NRG3: variants seen among roughly 807,000 people sequenced by gnomAD.
NRG3 encodes pro-neuregulin-3, membrane-bound isoform.
Under a neutral mutation model 66.9 loss-of-function variants are expected in NRG3, and 31 were observed. The ratio of observed to expected loss-of-function variants is 0.46; its 90% CI spans 0.35 to 0.63. The LOEUF (loss-of-function observed/expected upper bound fraction) is 0.63, where lower values mean the gene tolerates loss of function less well. Ranked by LOEUF, NRG3 falls within the 20% of genes least tolerant of loss-of-function variation. The probability of loss-of-function intolerance (pLI) is 0.00; values close to 1 mark genes in which losing one functional copy is unlikely to be tolerated. For synonymous variants in NRG3, 393 were observed against 359.4 expected (o/e 1.09, Z -1.06); for missense variants, 910 against 878.9 (o/e 1.04, Z -0.45).
At chr10:82,843,351 CT>C in intron 3 of NRG3, 1 of 389,712 alleles carries the variant, frequency 2.6e-6, no homozygotes, top group South Asian at 1.9e-5. Context: ...TCTGCCCTTC[CT>C]TCCATCATGG....
chr10:82,540,543 T>A (rs973937744), intron 2 of NRG3, among the ~76,000 whole-genome samples: 3 of 151,882 alleles, frequency 2.0e-5, no homozygotes, highest in African/African-American at 7.3e-5. Context: ...AGTTTGTGAA[T>A]GTTGGATGGC....
At chr10:82,749,365 G>A (rs1229929219) in intron 3 of NRG3, among the ~76,000 whole-genome samples, 1 of 151,962 alleles carries the variant, frequency 6.6e-6, no homozygotes, top group Non-Finnish European at 1.5e-5. Flanking sequence ...CAGGTGTCTC[G>A]TGGCCATGGC....
intron 1 of NRG3, among the ~76,000 whole-genome samples, chr10:82,147,724 A>T (rs762191578): frequency 1.2e-4 from 19 of 152,172 alleles, no homozygotes; most frequent in Non-Finnish European, 2.6e-4. Context: ...ATCAGTAATC[A>T]TGCATATGCA....
At chr10:82,863,562 G>A (rs986270241) in intron 3 of NRG3, among the ~76,000 whole-genome samples, 7 of 152,178 alleles carry the variant, frequency 4.6e-5, no homozygotes, top group African/African-American at 1.7e-4. Flanking sequence ...TAACTGGCGT[G>A]AGATGGTATC....
At chr10:82,117,448 A>G (rs1223273480) in intron 1 of NRG3, among the ~76,000 whole-genome samples, 2 of 152,130 alleles carry the variant, frequency 1.3e-5, no homozygotes, top group African/African-American at 4.8e-5. Context: ...CTTTTAATTT[A>G]ATTCTTATCA....
chr10:82,375,792 T>A (rs2085191944), intron 2 of NRG3, among the ~76,000 whole-genome samples: 1 of 152,148 alleles, frequency 6.6e-6, no homozygotes, highest in African/African-American at 2.4e-5. Flanking sequence ...TTCCTAGGTC[T>A]CCTCGAATTC....
At chr10:82,153,562 C>T (rs2070948792) in intron 1 of NRG3, among the ~76,000 whole-genome samples, 2 of 151,626 alleles carry the variant, frequency 1.3e-5, no homozygotes, top group Non-Finnish European at 2.9e-5. Flanking sequence ...ATTTTAATTC[C>T]TTTGGGCATA....
At position 82,579,568 on chromosome 10, in the gene NRG3, G is replaced by T. The variant is rs188514218; in HGVS notation, c.954-159009G>T. Among the ~76,000 whole-genome samples, 6 of 152,058 alleles carry T rather than the reference G, an allele frequency of 3.9e-5. No individual in the cohort carries two copies. The East Asian group carries it at 1.2e-3, about 30-fold the overall frequency. ...TTGCGTGTGGTTGGCAAGAACACAT[G>T]TATGTGTTAATGCATGCCTGTGAGT... On this transcript the variant is annotated intron_variant, in intron 2 of 8. Transcript: ENST00000372141.
In NRG3 at chr10:82,358,781, C is replaced by A. The variant is rs1161052019; in HGVS notation, c.866C>A (p.Pro289His). 2 of 1,614,024 alleles carry A rather than the reference C, an allele frequency of 1.2e-6. No individual in the cohort carries two copies. The highest frequency in any genetic ancestry group is 1.3e-5 in the African/African-American group (1 of 74,926). Reference sequence around the variant, plus strand: ...ACAGAGCGATCCGAGCACTTCAAACCCTGCCGAGACAAGGACCTTGCATAC... The same window carrying A: ...ACAGAGCGATCCGAGCACTTCAAACACTGCCGAGACAAGGACCTTGCATAC... ...YSTERSEHFK[P>H]CRDKDLAYCL... is the part of the protein sequence containing the mutation. The change falls in exon 2 of 9, where the codon CCC becomes CAC. Residue 289 changes from proline (P) to histidine (H), a missense_variant. Pro to His is a moderately conservative substitution (Grantham distance 77). Transcript: ENST00000372141.
chr10:82,479,288 G>T (rs1198674318), intron 2 of NRG3, among the ~76,000 whole-genome samples: 1 of 152,012 alleles, frequency 6.6e-6, no homozygotes, highest in Non-Finnish European at 1.5e-5. Flanking sequence ...ATGAGGTTTG[G>T]TACATACGTA....
At position 82,170,654 on chromosome 10, in the gene NRG3, G is replaced by GTATATA. The variant is rs370773918; in HGVS notation, c.824-188047_824-188042dup. On this transcript the variant is annotated intron_variant, in intron 1 of 8. Transcript: ENST00000372141. ...TGAGATGATGTTTATAAAACTTGTG[G>GTATATA]TATATATATATATATATATATATAT... 5.4e-3 allele frequency among the ~76,000 whole-genome samples: 400 copies of GTATATA among 74,020 alleles called. 2 individuals are homozygous for GTATATA. The highest frequency in any genetic ancestry group is 6.6e-3 in the East Asian group (19 of 2,868). 48.6% of individuals were successfully genotyped at this position (74,020 alleles called of 152,430 possible). A position where few individuals can be genotyped will look rare whatever the true frequency, so the allele number is the denominator to read the frequency against.
chr10:82,721,098 AT>A (rs2057288339), intron 2 of NRG3, among the ~76,000 whole-genome samples: 1 of 80,572 alleles, frequency 1.2e-5, no homozygotes, highest in African/African-American at 4.6e-5. Context: ...TTGTTTGTTT[AT>A]TTATTTTGAA....
intron 1 of NRG3, among the ~76,000 whole-genome samples, chr10:82,161,103 A>AC (rs1185926032): frequency 2.6e-5 from 4 of 152,040 alleles, no homozygotes; most frequent in Non-Finnish European, 5.9e-5. Flanking sequence ...AGTATTAAAA[A>AC]ACTAAGAATT....
Position 81,927,897 on chromosome 10 carries a change from T to C in NRG3, c.823+51734T>C, listed in dbSNP as rs983695468. ...ATCAGCATTAAAGTTAAAACAGAGA[T>C]CTTAAGACTGAGAAAACAGATTCCT... On this transcript the variant is annotated intron_variant, in intron 1 of 8. Coordinates refer to ENST00000372141, the MANE Select transcript of NRG3 (RefSeq NM_001010848.4). Among the ~76,000 whole-genome samples, 71 of 152,084 alleles carry C rather than the reference T, an allele frequency of 4.7e-4. 3 individuals carry two copies. Among genetic ancestry groups the C allele is most frequent in the Non-Finnish European group, 2.9e-5 (2 of 68,022 alleles).
chr10:82,001,727 C>A (rs926947708), intron 1 of NRG3, among the ~76,000 whole-genome samples: 3 of 151,874 alleles, frequency 2.0e-5, no homozygotes, highest in Non-Finnish European at 4.4e-5. Context: ...TTCCTGATTT[C>A]AAAAAAAGTT....
At chr10:82,788,055 C>G (rs1416371674) in intron 3 of NRG3, among the ~76,000 whole-genome samples, 1 of 152,120 alleles carries the variant, frequency 6.6e-6, no homozygotes. Context: ...TTGAAAGCTG[C>G]TCAATTAAAA....
intron 1 of NRG3, among the ~76,000 whole-genome samples, chr10:82,352,265 G>A (rs967344827): frequency 2.0e-5 from 3 of 152,106 alleles, no homozygotes; most frequent in Non-Finnish European, 4.4e-5. Flanking sequence ...AGAAGCATAC[G>A]GTTTATGGGA....
chr10:82,424,368 T>C (rs778235220), intron 2 of NRG3, among the ~76,000 whole-genome samples: 21 of 152,080 alleles, frequency 1.4e-4, no homozygotes, highest in African/African-American at 4.8e-4. Context: ...TGGCACCTCA[T>C]TGAGGTTTTG....
chr10:82,856,604 G>T (rs938576567), intron 3 of NRG3, among the ~76,000 whole-genome samples: 1 of 151,800 alleles, frequency 6.6e-6, no homozygotes, highest in African/African-American at 2.4e-5. Context: ...AATTAGCTGG[G>T]CATGGTGGCC....
Sources: gnomAD v4.1 joint callset for allele counts (sites outside exome capture counted in the v4.1 genomes callset) on GRCh38, gnomAD v4.1.1 for gene constraint, MANE v1.5 for transcripts, NCBI Gene and HGNC (gene_info 2026-07-23, HGNC 2026-07-21) for gene names.